Variants in KIF6 observed in about 807,000 individuals in gnomAD.
KIF6 encodes kinesin-like protein KIF6.
A neutral mutation model predicts 112.7 loss-of-function variants in KIF6; 106 were observed. That is an observed-to-expected ratio of 0.94 (90% CI 0.80 to 1.11). KIF6 has a LOEUF of 1.11. Among genes scored for constraint, KIF6 ranks in the 50% least tolerant of loss-of-function variants. The pLI is 0.00. For synonymous variants in KIF6, 339 were observed against 339.9 expected (o/e 1.00, Z 0.03); for missense variants, 929 against 964.0 (o/e 0.96, Z 0.48).
At chr6:39,508,575 G>A (rs965721260) in intron 13 of KIF6, among the ~76,000 whole-genome samples, 18 of 152,120 alleles carry the variant, frequency 1.2e-4, no homozygotes, top group African/African-American at 3.9e-4. Flanking sequence ...TGGCTGGCTC[G>A]GTGGGTCCCA....
At chr6:39,558,238 T>C (rs972973128) in intron 10 of KIF6, among the ~76,000 whole-genome samples, 79 of 152,164 alleles carry the variant, frequency 5.2e-4, no homozygotes, top group Admixed American at 7.2e-4. Flanking sequence ...GTTTGATTTG[T>C]TGATATGATC....
At chr6:39,349,136 G>A (rs544592948) in intron 19 of KIF6, among the ~76,000 whole-genome samples, 9 of 152,300 alleles carry the variant, frequency 5.9e-5, no homozygotes, top group African/African-American at 2.2e-4. Flanking sequence ...TGAAGTCCAG[G>A]GTTCTCGACT....
Position 39,707,279 on chromosome 6 carries a change from G to A in KIF6, c.251+7413C>T, listed in dbSNP as rs563330508. 7.2e-5 allele frequency among the ~76,000 whole-genome samples: 11 copies of A among 152,286 alleles called. No homozygotes were observed. The South Asian group carries it at 2.1e-3, about 29-fold the overall frequency. On this transcript the variant is annotated intron_variant, in intron 3 of 22. Coordinates refer to ENST00000287152, the MANE Select transcript of KIF6 (RefSeq NM_145027.6). ...GCCCCCTTCTCTTTAAAACACATAG[G>A]GGTGGAGTCACGGGTTTTTCCATGG...
rs1467457564 is a variant in KIF6, at chr6:39,476,845, T to C, written c.1646-45684A>G. 2.0e-5 allele frequency among the ~76,000 whole-genome samples: 3 copies of C among 152,258 alleles called. No individual in the cohort carries two copies. In the East Asian group the frequency reaches 5.8e-4, roughly 29 times the overall value. On this transcript the variant is annotated intron_variant, in intron 13 of 22. Transcript: ENST00000287152. ...TCTTTGAACATCTGTATGTTGCTTT[T>C]ATAACTGCACTGTGAGCTTATCATA... is the stretch of plus-strand genomic sequence containing the variant.
intron 13 of KIF6, among the ~76,000 whole-genome samples, chr6:39,537,730 C>T (rs1399753172): frequency 3.1e-4 from 47 of 152,136 alleles, no homozygotes; most frequent in Admixed American, 1.2e-3. Context: ...AAAGTTCATA[C>T]GGAACCAAAA....
intron 13 of KIF6, among the ~76,000 whole-genome samples, chr6:39,476,326 C>T (rs1325765990): frequency 6.6e-6 from 1 of 151,902 alleles, no homozygotes; most frequent in Non-Finnish European, 1.5e-5. Flanking sequence ...TTCCCTGTGA[C>T]TGGAGATGGT....
At chr6:39,632,650 T>C (rs755525011) in intron 5 of KIF6, among the ~76,000 whole-genome samples, 1 of 152,098 alleles carries the variant, frequency 6.6e-6, no homozygotes, top group Non-Finnish European at 1.5e-5. Flanking sequence ...CAAACTTGTC[T>C]AAGGCCCTCA....
chr6:39,524,085 G>A (rs571608929), intron 13 of KIF6, among the ~76,000 whole-genome samples: 26 of 152,006 alleles, frequency 1.7e-4, no homozygotes, highest in Middle Eastern at 3.4e-3. Context: ...CATGATTGGC[G>A]AAAGAATAAT....
intron 5 of KIF6, among the ~76,000 whole-genome samples, chr6:39,621,005 G>A (rs1783785007): frequency 6.6e-6 from 1 of 152,064 alleles, no homozygotes; most frequent in African/African-American, 2.4e-5. Flanking sequence ...CTGACCTTAG[G>A]TGATTTGCCC....
intron 19 of KIF6, among the ~76,000 whole-genome samples, chr6:39,349,368 G>C (rs1581640510): frequency 2.0e-5 from 3 of 152,214 alleles, no homozygotes; most frequent in African/African-American, 4.8e-5. Flanking sequence ...GCTGGCAGCG[G>C]CATGATCAAC....
chr6:39,582,693 G>T (rs1313733453), intron 9 of KIF6, among the ~76,000 whole-genome samples: 1 of 152,066 alleles, frequency 6.6e-6, no homozygotes, highest in Non-Finnish European at 1.5e-5. Flanking sequence ...GGGATTACAG[G>T]CGTGAGCCAC....
chr6:39,725,238 C>T lies in KIF6; in HGVS notation c.66+7G>A, dbSNP rs1379428082. On this transcript the variant is annotated splice_region_variant and intron_variant, in intron 1 of 22. Coordinates refer to ENST00000287152, the MANE Select transcript of KIF6 (RefSeq NM_145027.6). ...CGCGCCGGCGCCCCGGAGGCTCCAG[C>T]CCGTACCCCTTGTTGGTGCTTCCGG... 1 of 1,608,474 alleles carries T rather than the reference C, an allele frequency of 6.2e-7. No individual in the cohort carries two copies. The highest frequency in any genetic ancestry group is 1.1e-5 in the South Asian group (1 of 90,300).
chr6:39,357,163 C>A, intron 19 of KIF6, 114 bp downstream of exon 19: 1 of 649,966 alleles, frequency 1.5e-6, no homozygotes, highest in Non-Finnish European at 2.7e-6. Flanking sequence ...AGGAATTAAT[C>A]CTGCTGGATC....
At chr6:39,634,749 A>C in intron 5 of KIF6, 100 bp downstream of exon 5, 6 of 789,542 alleles carry the variant, frequency 7.6e-6, no homozygotes, top group Non-Finnish European at 1.3e-5. Context: ...GTATTTGCTA[A>C]TTATGATTGA....
chr6:39,429,286 C>T (rs1770971986), intron 14 of KIF6, among the ~76,000 whole-genome samples: 1 of 152,140 alleles, frequency 6.6e-6, no homozygotes, highest in African/African-American at 2.4e-5. Flanking sequence ...CCTTCATCAC[C>T]ACCCTCAAGT....
At chr6:39,468,184 AAGAAT>A (rs1773908448) in intron 13 of KIF6, among the ~76,000 whole-genome samples, 2 of 152,110 alleles carry the variant, frequency 1.3e-5, no homozygotes, top group Non-Finnish European at 2.9e-5. Flanking sequence ...AGAAAAAAAA[AAGAAT>A]AAAGCAAACA....
intron 10 of KIF6, among the ~76,000 whole-genome samples, chr6:39,567,611 C>CT (rs138061257): frequency 0.15 from 21,426 of 144,946 alleles, 2,453 homozygotes; most frequent in African/African-American, 0.31. Flanking sequence ...GAAGTGATTT[C>CT]TTTTTTTTTT....
intron 14 of KIF6, among the ~76,000 whole-genome samples, chr6:39,427,552 T>A (rs1446531886): frequency 1.3e-5 from 2 of 152,196 alleles, no homozygotes; most frequent in Non-Finnish European, 2.9e-5. Flanking sequence ...TAATGGTTAG[T>A]ATTACAGGAA....
At chr6:39,654,358 T>C (rs1025754890) in intron 3 of KIF6, among the ~76,000 whole-genome samples, 4 of 152,174 alleles carry the variant, frequency 2.6e-5, no homozygotes, top group African/African-American at 4.8e-5. Context: ...TCTCTGGTCA[T>C]AGAGATTGGC....
Sources: gnomAD v4.1 joint callset for allele counts (sites outside exome capture counted in the v4.1 genomes callset) on GRCh38, gnomAD v4.1.1 for gene constraint, MANE v1.5 for transcripts, NCBI Gene and HGNC (gene_info 2026-07-23, HGNC 2026-07-21) for gene names.